The following CPE variants were observed in gnomAD, a reference collection of about 807,000 sequenced individuals.
CPE encodes the protein carboxypeptidase E.
Under a neutral mutation model 53.5 loss-of-function variants are expected in CPE, and 17 were observed. The ratio of observed to expected loss-of-function variants is 0.32; its 90% confidence interval spans 0.22 to 0.48. The LOEUF (loss-of-function observed/expected upper bound fraction) is 0.48, where lower values mean the gene tolerates loss of function less well. Among genes scored for constraint, CPE ranks in the 20% least tolerant of loss-of-function variants. CPE has a pLI of 0.99. For missense variants in CPE, 524 were observed against 614.7 expected (o/e 0.85, Z 1.56); for synonymous variants, 226 against 228.8 (o/e 0.99, Z 0.11).
intron 1 of CPE, among the ~76,000 whole-genome samples, chr4:165,429,566 G>A (rs1731375320): frequency 1.3e-5 from 2 of 152,044 alleles, no homozygotes; most frequent in African/African-American, 4.8e-5. Flanking sequence ...GGCAGGCATG[G>A]TGGTGGGCAC....
At chr4:165,418,594 A>T (rs1731161359) in intron 1 of CPE, among the ~76,000 whole-genome samples, 1 of 152,184 alleles carries the variant, frequency 6.6e-6, no homozygotes, top group Non-Finnish European at 1.5e-5. Flanking sequence ...AGTTTTGTTT[A>T]CTTAGAGATT....
chr4:165,445,207 C>T (rs928583944), intron 1 of CPE, among the ~76,000 whole-genome samples: 2 of 152,088 alleles, frequency 1.3e-5, no homozygotes, highest in Admixed American at 6.6e-5. Flanking sequence ...CTGCCCGCCT[C>T]GAACTCCCAA....
chr4:165,397,625 T>TGATTATACA (rs1730790282), intron 1 of CPE, among the ~76,000 whole-genome samples: 1 of 152,198 alleles, frequency 6.6e-6, no homozygotes, highest in Admixed American at 6.5e-5. Flanking sequence ...CATCTTATCT[T>TGATTATACA]GATTATACAA....
At chr4:165,433,112 T>C (rs1731440156) in intron 1 of CPE, among the ~76,000 whole-genome samples, 1 of 152,182 alleles carries the variant, frequency 6.6e-6, no homozygotes. Context: ...GGAGGTTGGC[T>C]CTAGAGACAG....
At chr4:165,454,297 C>G (rs920566323) in intron 1 of CPE, among the ~76,000 whole-genome samples, 1 of 152,108 alleles carries the variant, frequency 6.6e-6, no homozygotes, top group African/African-American at 2.4e-5. Flanking sequence ...GATTCTACTG[C>G]GTGGCCTACT....
intron 1 of CPE, among the ~76,000 whole-genome samples, chr4:165,430,903 T>C (rs1202180075): frequency 6.6e-6 from 1 of 152,156 alleles, no homozygotes; most frequent in African/African-American, 2.4e-5. Flanking sequence ...TGCCACCACC[T>C]CAGTATTACT....
chr4:165,405,417 T>G, intron 1 of CPE: 2 of 923,780 alleles, frequency 2.2e-6, no homozygotes, highest in East Asian at 4.8e-5. Context: ...CCAGCATCGC[T>G]CCCTTGCTCA....
At chr4:165,435,073 A>T (rs887177948) in intron 1 of CPE, among the ~76,000 whole-genome samples, 10 of 152,198 alleles carry the variant, frequency 6.6e-5, no homozygotes, top group Non-Finnish European at 2.9e-5. Flanking sequence ...CCAGAAGCAG[A>T]TGCTGGTGGC....
At chr4:165,422,670 A>G (rs189240746) in intron 1 of CPE, among the ~76,000 whole-genome samples, 22 of 152,262 alleles carry the variant, frequency 1.4e-4, no homozygotes, top group Non-Finnish European at 2.2e-4. Context: ...TGAGACGTCA[A>G]TCAATATGTG....
chr4:165,405,431 C>T (rs1730937581), intron 1 of CPE: 8 of 869,796 alleles, frequency 9.2e-6, no homozygotes, highest in Admixed American at 8.5e-5. Context: ...TTGCTCAATT[C>T]CAGTCTTTAC....
At chr4:165,477,398 T>C (rs1732323428) in intron 3 of CPE, among the ~76,000 whole-genome samples, 1 of 152,240 alleles carries the variant, frequency 6.6e-6, no homozygotes, top group Admixed American at 6.5e-5. Context: ...ATAAGCAAGA[T>C]TTGTTTACTT....
Position 165,482,365 on chromosome 4 carries a change from T to C in CPE, c.790+6T>C. On this transcript the variant is annotated splice_donor_region_variant and intron_variant, in intron 4 of 8. Coordinates refer to ENST00000402744, the MANE Select transcript of CPE (RefSeq NM_001873.4). The stretch of plus-strand genomic sequence containing the variant: ...ATATGATGAGACGCGGAGTGGTAGG[T>C]ATTCTTTCTGCTTCTCTTATTGGTT... 1 of 1,572,270 alleles carries C rather than the reference T, an allele frequency of 6.4e-7. No individual in the cohort carries two copies.
At chr4:165,410,483 C>A (rs1013024525) in intron 1 of CPE, among the ~76,000 whole-genome samples, 2 of 151,992 alleles carry the variant, frequency 1.3e-5, no homozygotes, top group African/African-American at 4.8e-5. Context: ...CTATTAATGG[C>A]AATTTATTTT....
intron 3 of CPE, among the ~76,000 whole-genome samples, chr4:165,479,400 A>G (rs1490721963): frequency 3.9e-5 from 6 of 152,204 alleles, no homozygotes; most frequent in African/African-American, 1.2e-4. Context: ...AGACACTACA[A>G]TTTAAGTTTA....
intron 1 of CPE, among the ~76,000 whole-genome samples, chr4:165,383,207 G>A (rs901628027): frequency 6.6e-6 from 1 of 152,132 alleles, no homozygotes; most frequent in African/African-American, 2.4e-5. Flanking sequence ...GATTCTAAGT[G>A]CTCAAATATG....
chr4:165,477,720 T>C (rs1267486877), intron 3 of CPE, among the ~76,000 whole-genome samples: 2 of 145,898 alleles, frequency 1.4e-5, no homozygotes, highest in African/African-American at 5.2e-5. Flanking sequence ...CTCCTTTGTA[T>C]AGCTGTGAGA....
chr4:165,392,460 A>G (rs1730698692), intron 1 of CPE, among the ~76,000 whole-genome samples: 1 of 145,906 alleles, frequency 6.9e-6, no homozygotes, highest in Admixed American at 7.0e-5. Flanking sequence ...GCATATATGT[A>G]ATATGTAATA....
At chr4:165,486,805 A>C (rs984130667) in intron 5 of CPE, among the ~76,000 whole-genome samples, 1 of 152,116 alleles carries the variant, frequency 6.6e-6, no homozygotes, top group Admixed American at 6.5e-5. Context: ...CTCTGTGCTT[A>C]TCAATATCCC....
In CPE at chr4:165,464,688, A is replaced by G. The variant is rs933902658; in HGVS notation, c.504+102A>G. ...TTATGCCCTCGCACAAAGCTTACAG[A>G]TGGTGCAGTGGAGGGCATAAGTGAT... On this transcript the variant is annotated intron_variant, in intron 2 of 8. Coordinates refer to ENST00000402744, the MANE Select transcript of CPE (RefSeq NM_001873.4). 4 of 1,018,224 alleles carry G rather than the reference A, an allele frequency of 3.9e-6. No homozygotes were observed. The African/African-American group carries it at 6.5e-5, about 17-fold the overall frequency. 63.1% of individuals were successfully genotyped at this position (1,018,224 alleles called of 1,614,324 possible).
Sources: allele counts gnomAD v4.1 joint callset (sites outside exome capture counted in the v4.1 genomes callset), GRCh38; gene constraint gnomAD v4.1.1; transcripts MANE v1.5; gene names NCBI Gene and HGNC (gene_info 2026-07-23, HGNC 2026-07-21).